ROBO2: variants seen among roughly 807,000 people sequenced by gnomAD.
The protein encoded by ROBO2 is roundabout homolog 2.
Under a neutral mutation model 160.8 loss-of-function variants are expected in ROBO2, and 53 were observed. The observed-to-expected ratio is 0.33, with a 90% CI of 0.26 to 0.41. The LOEUF is 0.41. ROBO2 is among the 10% of genes least tolerant of loss of function. ROBO2 has a pLI of 1.00. For missense variants in ROBO2, 1,577 were observed against 1,722.4 expected, an observed-to-expected ratio of 0.92 and a Z score of 1.49; for synonymous variants, 664 against 611.7, an observed-to-expected ratio of 1.09 and a Z score of -1.26.
At position 76,716,534 on chromosome 3, in the gene ROBO2, A is replaced by C. The variant is rs144181833; in HGVS notation, c.110-381480A>C. On this transcript the variant is annotated intron_variant, in intron 2 of 26. Coordinates refer to the ROBO2 transcript ENST00000487694. ...ACTGAAGAAAACTGCAGTGTAGATG[A>C]ATCTAGATTGTTATATATATCAGAG... Among the ~76,000 whole-genome samples the C allele has an allele frequency of 3.3e-3, 502 of 151,904 alleles. 1 individual carries two copies. The highest frequency in any genetic ancestry group is 4.9e-3 in the Non-Finnish European group (335 of 67,892).
At chr3:77,218,530 G>C (rs1431390920) in intron 2 of ROBO2, among the ~76,000 whole-genome samples, 2 of 151,940 alleles carry the variant, frequency 1.3e-5, no homozygotes, top group Non-Finnish European at 1.5e-5. Context: ...CCACAAGCAT[G>C]CCTGGCTAAT....
intron 2 of ROBO2, among the ~76,000 whole-genome samples, chr3:76,206,599 A>G (rs1158663076): frequency 2.0e-5 from 3 of 151,690 alleles, no homozygotes; most frequent in African/African-American, 7.3e-5. Flanking sequence ...GCATATAGAC[A>G]CTCCCATGTG....
At chr3:76,683,841 G>A (rs1470487822) in intron 2 of ROBO2, among the ~76,000 whole-genome samples, 1 of 151,942 alleles carries the variant, frequency 6.6e-6, no homozygotes, top group African/African-American at 2.4e-5. Context: ...GCTGAATCGA[G>A]TTTTATTCCC....
chr3:76,005,267 TTGAA>T (rs773981728), intron 2 of ROBO2, among the ~76,000 whole-genome samples: 1 of 152,178 alleles, frequency 6.6e-6, no homozygotes, highest in Admixed American at 6.5e-5. Context: ...AAAAGGATCT[TTGAA>T]TGAGCACTGA....
At chr3:76,162,628 T>C (rs1417118124) in intron 2 of ROBO2, among the ~76,000 whole-genome samples, 1 of 152,148 alleles carries the variant, frequency 6.6e-6, no homozygotes, top group African/African-American at 2.4e-5. Flanking sequence ...TGTTTTATTA[T>C]GTTATTTCCT....
intron 13 of ROBO2, among the ~76,000 whole-genome samples, chr3:77,569,141 CA>C (rs1362621020): frequency 6.6e-6 from 1 of 151,902 alleles, no homozygotes; most frequent in East Asian, 1.9e-4. Context: ...TTTGGGTGGA[CA>C]CATGTTTTCA....
intron 2 of ROBO2, among the ~76,000 whole-genome samples, chr3:76,206,013 A>G (rs866126845): frequency 6.6e-6 from 1 of 152,172 alleles, no homozygotes; most frequent in Non-Finnish European, 1.5e-5. Flanking sequence ...AAGAATGTCA[A>G]AACAAAGAGA....
At chr3:76,776,490 T>C (rs1356715689) in intron 2 of ROBO2, among the ~76,000 whole-genome samples, 2 of 150,816 alleles carry the variant, frequency 1.3e-5, no homozygotes, top group Non-Finnish European at 3.0e-5. Context: ...TTAAAGTAGA[T>C]AGAGGAAATA....
At chr3:77,558,683 G>A (rs574273970) in intron 9 of ROBO2, among the ~76,000 whole-genome samples, 1 of 152,012 alleles carries the variant, frequency 6.6e-6, no homozygotes, top group Non-Finnish European at 1.5e-5. Context: ...GGCATTGGTG[G>A]TTTTTTACTG....
chr3:76,467,917 G>A (rs894444357), intron 2 of ROBO2, among the ~76,000 whole-genome samples: 10 of 152,226 alleles, frequency 6.6e-5, no homozygotes, highest in African/African-American at 2.4e-4. Flanking sequence ...TATTTGAGAT[G>A]TCATAAGTAG....
At chr3:77,399,038 C>T (rs557615036) in intron 2 of ROBO2, among the ~76,000 whole-genome samples, 1 of 152,120 alleles carries the variant, frequency 6.6e-6, no homozygotes, top group South Asian at 2.1e-4. Context: ...GCAGTTGGTT[C>T]CTTATACAAG....
chr3:76,443,327 A>T (rs2077015313), intron 2 of ROBO2, among the ~76,000 whole-genome samples: 1 of 152,042 alleles, frequency 6.6e-6, no homozygotes, highest in African/African-American at 2.4e-5. Context: ...CGAAAATCCA[A>T]AATGTATCAG....
intron 2 of ROBO2, among the ~76,000 whole-genome samples, chr3:76,297,657 A>T (rs1303312790): frequency 6.6e-6 from 1 of 151,244 alleles, no homozygotes; most frequent in Non-Finnish European, 1.5e-5. Context: ...TTGTATTTCA[A>T]GAAAAAAAAA....
intron 2 of ROBO2, among the ~76,000 whole-genome samples, chr3:76,272,251 T>C (rs913409178): frequency 2.2e-4 from 34 of 152,174 alleles, no homozygotes; most frequent in Non-Finnish European, 2.4e-4. Context: ...ATTTTATGCC[T>C]TGGTAGGGCC....
intron 2 of ROBO2, among the ~76,000 whole-genome samples, chr3:76,402,459 G>A (rs918277787): frequency 1.1e-4 from 16 of 151,500 alleles, no homozygotes; most frequent in Non-Finnish European, 1.5e-5. Flanking sequence ...TATAACTAGT[G>A]TAGTAGATTA....
chr3:77,025,390 T>G (rs1289330529), intron 2 of ROBO2, among the ~76,000 whole-genome samples: 3 of 152,178 alleles, frequency 2.0e-5, no homozygotes, highest in Non-Finnish European at 4.4e-5. Flanking sequence ...ATAATTAATT[T>G]TGTGGAAGCT....
At chr3:76,875,080 T>C (rs1379097193) in intron 2 of ROBO2, among the ~76,000 whole-genome samples, 1 of 152,176 alleles carries the variant, frequency 6.6e-6, no homozygotes, top group Non-Finnish European at 1.5e-5. Context: ...GGCTCCTCCC[T>C]CATAAATGGG....
chr3:76,210,169 A>C, intron 2 of ROBO2, among the ~76,000 whole-genome samples: 1 of 152,126 alleles, frequency 6.6e-6, no homozygotes, highest in East Asian at 1.9e-4. Context: ...AATTATTCCC[A>C]AAATCAAAAT....
At chr3:76,582,109 G>C (rs1475434579) in intron 2 of ROBO2, among the ~76,000 whole-genome samples, 1 of 152,118 alleles carries the variant, frequency 6.6e-6, no homozygotes, top group Non-Finnish European at 1.5e-5. Flanking sequence ...CCTGTCCTGA[G>C]AACTAATTAG....
Sources: allele counts gnomAD v4.1 joint callset (sites outside exome capture counted in the v4.1 genomes callset), GRCh38; gene constraint gnomAD v4.1.1; transcripts MANE v1.5; gene names NCBI Gene and HGNC (gene_info 2026-07-23, HGNC 2026-07-21).